GDAP1: variants seen among roughly 807,000 people sequenced by gnomAD.
The protein encoded by GDAP1 is ganglioside-induced differentiation-associated protein 1.
GDAP1 carries 34 observed loss-of-function variants against 40.1 expected under a neutral mutation model. That is an observed-to-expected ratio of 0.85 (90% CI 0.64 to 1.13). GDAP1 has a LOEUF of 1.13. Ranked by LOEUF, GDAP1 falls within the 50% of genes most tolerant of loss-of-function variation. GDAP1 has a pLI of 0.00. For missense variants in GDAP1, 374 were observed against 433.7 expected (o/e 0.86, Z 1.22); for synonymous variants, 170 against 157.4 (o/e 1.08, Z -0.60).
intron 2 of GDAP1, among the ~76,000 whole-genome samples, chr8:74,467,305 A>G (rs1203364360): frequency 6.6e-6 from 1 of 152,206 alleles, no homozygotes; most frequent in Non-Finnish European, 1.5e-5. Flanking sequence ...ATCATGAGTC[A>G]TGAATTAAAG....
chr8:74,374,387 C>T (rs907553550), intron 2 of GDAP1, among the ~76,000 whole-genome samples: 1 of 152,076 alleles, frequency 6.6e-6, no homozygotes, highest in Admixed American at 6.6e-5. Context: ...CTTTAAATGC[C>T]TGTTTTGCAA....
At chr8:74,372,565 T>G (rs1029451349) in intron 2 of GDAP1, among the ~76,000 whole-genome samples, 1 of 152,240 alleles carries the variant, frequency 6.6e-6, no homozygotes, top group Non-Finnish European at 1.5e-5. Context: ...CATAAAAGTC[T>G]TCTTTTGAGA....
intron 2 of GDAP1, among the ~76,000 whole-genome samples, chr8:74,475,065 T>C (rs1467301257): frequency 6.6e-6 from 1 of 152,218 alleles, no homozygotes. Context: ...TTTGTGTGCA[T>C]AGAGGTGTTC....
intron 2 of GDAP1, among the ~76,000 whole-genome samples, chr8:74,457,962 T>C (rs1426195683): frequency 6.6e-6 from 1 of 152,174 alleles, no homozygotes; most frequent in East Asian, 1.9e-4. Flanking sequence ...GTACTACTTA[T>C]ATGACTTATG....
intron 5 of GDAP1, 150 bp downstream of exon 5, chr8:74,363,203 A>C: frequency 1.7e-6 from 1 of 589,780 alleles, no homozygotes; most frequent in East Asian, 2.8e-5. Flanking sequence ...ATGATATTGC[A>C]CCCAGAAAAA....
chr8:74,484,584 C>G (rs1806752219), intron 2 of GDAP1, among the ~76,000 whole-genome samples: 1 of 152,110 alleles, frequency 6.6e-6, no homozygotes, highest in South Asian at 2.1e-4. Context: ...CCTCAATCAT[C>G]AAATGGATGA....
intron 2 of GDAP1, among the ~76,000 whole-genome samples, chr8:74,424,347 A>ATT (rs912102811): frequency 6.6e-6 from 1 of 152,102 alleles, no homozygotes; most frequent in Non-Finnish European, 1.5e-5. Context: ...TGAAGGGCTG[A>ATT]TTGTATATAC....
chr8:74,399,536 T>TG (rs1234096334), intron 2 of GDAP1, among the ~76,000 whole-genome samples: 1 of 146,770 alleles, frequency 6.8e-6, no homozygotes, highest in Non-Finnish European at 1.5e-5. Flanking sequence ...GGGTTTTTTG[T>TG]GTCTCTATTT....
chr8:74,379,830 A>T (rs1007943944), intron 2 of GDAP1, among the ~76,000 whole-genome samples: 1 of 152,230 alleles, frequency 6.6e-6, no homozygotes, highest in African/African-American at 2.4e-5. Context: ...GGAGCAAAAC[A>T]TCCTAAATAG....
chr8:74,447,676 T>G (rs1012983484), intron 2 of GDAP1, among the ~76,000 whole-genome samples: 5 of 152,138 alleles, frequency 3.3e-5, no homozygotes, highest in Admixed American at 1.3e-4. Context: ...ATGGGCACTT[T>G]CAGGACAGAA....
At chr8:74,479,055 T>C (rs914785865) in intron 2 of GDAP1, among the ~76,000 whole-genome samples, 1 of 152,242 alleles carries the variant, frequency 6.6e-6, no homozygotes, top group Non-Finnish European at 1.5e-5. Flanking sequence ...GGTCCCTTAG[T>C]GGAAGATACT....
In GDAP1 at chr8:74,365,041, A is replaced by ATAT. The variant is rs1015655081; in HGVS notation, c.*674_*675insTAT. 1.3e-5 allele frequency: 6 copies of ATAT among 453,962 alleles called. No individual in the cohort carries two copies. Among genetic ancestry groups the ATAT allele is most frequent in the Admixed American group, 9.4e-5 (4 of 42,550 alleles). 28.1% of individuals were successfully genotyped at this position (453,962 alleles called of 1,614,324 possible). A position where few individuals can be genotyped will look rare whatever the true frequency, so the allele number is the denominator to read the frequency against. ...CTTACTGTTTTAGATGGTGCCTGTG[A>ATAT]GATACCATTCCTCTGGATGGTCATG... On this transcript the variant is annotated 3_prime_UTR_variant, in exon 6 of 6. Coordinates refer to ENST00000220822, the MANE Select transcript of GDAP1 (RefSeq NM_018972.4).
intron 2 of GDAP1, among the ~76,000 whole-genome samples, chr8:74,482,966 G>A (rs1806731068): frequency 6.6e-6 from 1 of 152,130 alleles, no homozygotes; most frequent in South Asian, 2.1e-4. Flanking sequence ...TCCTGGACTT[G>A]AATTCTGCTT....
chr8:74,487,516 T>C (rs1332355668), intron 2 of GDAP1, among the ~76,000 whole-genome samples: 1 of 152,072 alleles, frequency 6.6e-6, no homozygotes, highest in East Asian at 1.9e-4. Flanking sequence ...TCTGGCTTAA[T>C]ATAATTGAGA....
intron 2 of GDAP1, among the ~76,000 whole-genome samples, chr8:74,385,543 G>A (rs1157318494): frequency 6.6e-6 from 1 of 152,182 alleles, no homozygotes; most frequent in Admixed American, 6.5e-5. Context: ...ATTCCATGGT[G>A]TATATGTGCC....
Position 74,435,206 on chromosome 8 carries a change from G to A in GDAP1, c.166-53472G>A, listed in dbSNP as rs540623374. On this transcript the variant is annotated intron_variant, in intron 2 of 2. Transcript: ENST00000523640. ...ATGGAATCTAAGATACTGAGAGATA[G>A]TAAGTAATGAAAAGACAATCTTTAG... Among the ~76,000 whole-genome samples, 29 of 152,296 alleles carry A rather than the reference G, an allele frequency of 1.9e-4. No individual in the cohort carries two copies. In the South Asian group the frequency reaches 6.0e-3, roughly 32 times the overall value.
rs528736622 is a variant in GDAP1 at position 74,441,045 on chromosome 8, A to T, written c.166-47633A>T. 9.9e-5 allele frequency among the ~76,000 whole-genome samples: 15 copies of T among 152,232 alleles called. No homozygotes were observed. The South Asian group carries it at 2.9e-3, about 29-fold the overall frequency. On this transcript the variant is annotated intron_variant, in intron 2 of 2. Transcript: ENST00000523640. ...TAGAAACTATAATTAGCTAGTCTTT[A>T]AAGTATCAGTAATCTGCAAGTATTC...
At chr8:74,484,739 C>T (rs1218299043) in intron 2 of GDAP1, among the ~76,000 whole-genome samples, 1 of 152,056 alleles carries the variant, frequency 6.6e-6, no homozygotes, top group Non-Finnish European at 1.5e-5. Flanking sequence ...GGTTCTGCTG[C>T]ATTCTGCTTG....
chr8:74,481,943 ATGGGAGT>A (rs1806716635), intron 2 of GDAP1, among the ~76,000 whole-genome samples: 1 of 152,054 alleles, frequency 6.6e-6, no homozygotes, highest in Non-Finnish European at 1.5e-5. Context: ...GGATATAGAC[ATGGGAGT>A]TGGTCTTTAG....
Sources: gnomAD v4.1 joint callset for allele counts (sites outside exome capture counted in the v4.1 genomes callset) on GRCh38, gnomAD v4.1.1 for gene constraint, MANE v1.5 for transcripts, NCBI Gene and HGNC (gene_info 2026-07-23, HGNC 2026-07-21) for gene names.